TPD52: variants seen among roughly 807,000 people sequenced by gnomAD.
TPD52 encodes prostate and colon associated protein.
A neutral mutation model predicts 31.3 loss-of-function variants in TPD52; 17 were observed. The ratio of observed to expected loss-of-function variants is 0.54; its 90% confidence interval spans 0.37 to 0.82. TPD52 has a LOEUF of 0.82. Ranked by LOEUF, TPD52 falls within the 40% of genes least tolerant of loss-of-function variation. The probability of loss-of-function intolerance (pLI) is 0.00; values close to 1 mark genes in which losing one functional copy is unlikely to be tolerated. For missense variants in TPD52, 212 were observed against 240.1 expected, an observed-to-expected ratio of 0.88 and a Z score of 0.77; for synonymous variants, 83 against 89.6, an observed-to-expected ratio of 0.93 and a Z score of 0.42.
chr8:80,134,477 GA>G (rs2131101295), intron 1 of TPD52, among the ~76,000 whole-genome samples: 1 of 152,304 alleles, frequency 6.6e-6, no homozygotes, highest in Admixed American at 6.5e-5. Context: ...TTACAATTAA[GA>G]AAAGCTCCAA....
chr8:80,164,972 T>C (rs572231735), intron 1 of TPD52, among the ~76,000 whole-genome samples: 27 of 110,640 alleles, frequency 2.4e-4, no homozygotes, highest in African/African-American at 8.5e-4. Flanking sequence ...CACTATAAAG[T>C]CAAAAAAGGT....
chr8:80,050,454 T>C lies in TPD52; in HGVS notation c.404A>G (p.His135Arg), dbSNP rs1392002322. 2 of 1,607,146 alleles carry C rather than the reference T, an allele frequency of 1.2e-6. No homozygotes were observed. Among genetic ancestry groups the C allele is most frequent in the Non-Finnish European group, 1.7e-6 (2 of 1,176,954 alleles). Reference sequence around the variant, plus strand: ...TTCAAACTCTCCTTACCTAAAGGAATGTGAAAAGGCTTGCAATCTGTAAGA... The same window carrying C: ...TTCAAACTCTCCTTACCTAAAGGAACGTGAAAAGGCTTGCAATCTGTAAGA... ...LEDVKLQAFS[H>R]SFSIRSIQHS... The change falls in exon 5 of 8, where the codon CAT (histidine) becomes CGT (arginine). Residue 135 changes from histidine (H) to arginine (R), a missense_variant. His to Arg is a conservative substitution (Grantham distance 29, BLOSUM62 0). Transcript: ENST00000518937.
chr8:80,048,714 T>G (rs1247425469), intron 5 of TPD52, among the ~76,000 whole-genome samples: 2 of 152,254 alleles, frequency 1.3e-5, no homozygotes, highest in African/African-American at 2.4e-5. Flanking sequence ...TGAAATTATT[T>G]TTTTAAATGC....
chr8:80,049,530 T>C (rs904997714), intron 5 of TPD52, among the ~76,000 whole-genome samples: 6 of 152,186 alleles, frequency 3.9e-5, no homozygotes, highest in Non-Finnish European at 8.8e-5. Context: ...TTTAAGTACC[T>C]GTTTGCTTAC....
chr8:80,141,397 G>A (rs915836177), intron 1 of TPD52, among the ~76,000 whole-genome samples: 2 of 152,108 alleles, frequency 1.3e-5, no homozygotes, highest in African/African-American at 4.8e-5. Context: ...TGCATCATTT[G>A]CTCTGAGGGA....
At chr8:80,170,467 A>G (rs1419150678) in intron 1 of TPD52, among the ~76,000 whole-genome samples, 1 of 152,118 alleles carries the variant, frequency 6.6e-6, no homozygotes, top group African/African-American at 2.4e-5. Context: ...AAGATAGTAT[A>G]TTTGGAATAT....
intron 1 of TPD52, among the ~76,000 whole-genome samples, chr8:80,147,082 T>C (rs1376448599): frequency 2.0e-5 from 3 of 152,196 alleles, no homozygotes; most frequent in African/African-American, 4.8e-5. Flanking sequence ...TGAGAACCAC[T>C]GGCCTACATG....
intron 5 of TPD52, among the ~76,000 whole-genome samples, chr8:80,047,626 T>C (rs1810997554): frequency 6.6e-6 from 1 of 152,190 alleles, no homozygotes; most frequent in Admixed American, 6.5e-5. Context: ...TTTTGATAAC[T>C]AAAATTGGGA....
At chr8:80,170,227 C>T (rs1811989560) in intron 1 of TPD52, among the ~76,000 whole-genome samples, 1 of 152,246 alleles carries the variant, frequency 6.6e-6, no homozygotes, top group East Asian at 1.9e-4. Flanking sequence ...CCAGCCTGGT[C>T]AACATGGAGA....
chr8:80,157,456 G>C (rs537702550), intron 1 of TPD52, among the ~76,000 whole-genome samples: 1 of 152,280 alleles, frequency 6.6e-6, no homozygotes, highest in East Asian at 1.9e-4. Flanking sequence ...AGGAGAGGCA[G>C]GCTTGGCCGA....
intron 5 of TPD52, among the ~76,000 whole-genome samples, chr8:80,048,384 T>C (rs1586152345): frequency 6.6e-6 from 1 of 152,362 alleles, no homozygotes; most frequent in Non-Finnish European, 1.5e-5. Flanking sequence ...ATATCCATAA[T>C]TACATTAAGG....
chr8:80,097,596 C>T (rs527255125), intron 1 of TPD52, among the ~76,000 whole-genome samples: 15 of 152,188 alleles, frequency 9.9e-5, no homozygotes, highest in Non-Finnish European at 1.8e-4. Context: ...CCATCTAAGA[C>T]GTCCCTGCTT....
chr8:80,130,288 C>A (rs989657692), intron 1 of TPD52, among the ~76,000 whole-genome samples: 1 of 152,210 alleles, frequency 6.6e-6, no homozygotes, highest in Non-Finnish European at 1.5e-5. Context: ...AAACTTCTAA[C>A]TTACTTTGCA....
At chr8:80,149,262 T>C (rs993475547) in intron 1 of TPD52, among the ~76,000 whole-genome samples, 2 of 152,196 alleles carry the variant, frequency 1.3e-5, no homozygotes, top group African/African-American at 4.8e-5. Flanking sequence ...TGAGATCTGA[T>C]GGTTTTATAA....
At chr8:80,054,205 C>T (rs139171764) in intron 2 of TPD52, among the ~76,000 whole-genome samples, 7 of 152,124 alleles carry the variant, frequency 4.6e-5, no homozygotes, top group Admixed American at 2.0e-4. Context: ...GATGACATTG[C>T]AAGTAGAAGC....
chr8:80,163,108 C>G (rs1811471120), intron 1 of TPD52, among the ~76,000 whole-genome samples: 1 of 152,112 alleles, frequency 6.6e-6, no homozygotes, highest in African/African-American at 2.4e-5. Flanking sequence ...TATGATCCAG[C>G]AATCCCATCT....
At chr8:80,074,708 C>A (rs554559596) in intron 1 of TPD52, among the ~76,000 whole-genome samples, 7 of 152,110 alleles carry the variant, frequency 4.6e-5, no homozygotes, top group Non-Finnish European at 8.8e-5. Context: ...TGACTTAAGG[C>A]GAGGGAGCAT....
rs376230305 is a variant in TPD52, at chr8:80,169,620, TG to T, written c.19+1804del. On this transcript the variant is annotated intron_variant, in intron 1 of 7. Coordinates refer to ENST00000518937, the MANE Select transcript of TPD52 (RefSeq NM_001025253.3). ...TAAAACACAGCCGTTTAATTTACTT[TG>T]ACAAGTACCAAACATAGTTATTCTA... Among the ~76,000 whole-genome samples, 154 of 152,308 alleles carry T rather than the reference TG, an allele frequency of 1.0e-3. 1 individual carries two copies. Among genetic ancestry groups the T allele is most frequent in the African/African-American group, 3.5e-3 (146 of 41,580 alleles).
chr8:80,103,552 T>C lies in TPD52; in HGVS notation c.20-38959A>G, dbSNP rs149381507. ...ATCAGATCTGATATCAGAAGTGGGATCCAATGGACACTACATGATAATGAC... is the reference window on the plus strand; with the variant it reads ...ATCAGATCTGATATCAGAAGTGGGACCCAATGGACACTACATGATAATGAC... On this transcript the variant is annotated intron_variant, in intron 1 of 7. Coordinates refer to ENST00000518937, the MANE Select transcript of TPD52 (RefSeq NM_001025253.3). Among the ~76,000 whole-genome samples the C allele has an allele frequency of 5.2e-4, 79 of 152,234 alleles. 1 individual carries two copies. In the East Asian group the frequency reaches 7.7e-3, roughly 15 times the overall value.
Sources: gnomAD v4.1 joint callset for allele counts (sites outside exome capture counted in the v4.1 genomes callset) on GRCh38, gnomAD v4.1.1 for gene constraint, MANE v1.5 for transcripts, NCBI Gene and HGNC (gene_info 2026-07-23, HGNC 2026-07-21) for gene names.